Variants in FSD2 observed in about 807,000 individuals in gnomAD.
FSD2 encodes the protein fibronectin type III and SPRY domain containing 2, also known as fibronectin type III and SPRY domain-containing protein 2.
A neutral mutation model predicts 80.4 loss-of-function variants in FSD2; 71 were observed. The observed-to-expected ratio is 0.88, with a 90% CI of 0.73 to 1.08. FSD2 has a LOEUF of 1.08. Among genes scored for constraint, FSD2 ranks in the 50% least tolerant of loss-of-function variants. The probability of loss-of-function intolerance (pLI) is 0.00; values close to 1 mark genes in which losing one functional copy is unlikely to be tolerated. For synonymous variants in FSD2, 361 were observed against 329.5 expected (o/e 1.10, Z -1.03); for missense variants, 923 against 913.8 (o/e 1.01, Z -0.13).
At chr15:82,768,444 CTAGCACTGTATATTTTACACATTGG>C (rs1315106781) in intron 9 of FSD2, among the ~76,000 whole-genome samples, 1 of 152,200 alleles carries the variant, frequency 6.6e-6, no homozygotes, top group Non-Finnish European at 1.5e-5. Context: ...TTTTTCCTTC[CTAGCACTGTATATTTTACACATTGG>C]TTTGTTTTCT....
chr15:82,778,158 A>ATAT lies in FSD2; in HGVS notation c.1111+607_1111+608insATA, dbSNP rs1482215584. Among the ~76,000 whole-genome samples, 161 of 128,920 alleles carry ATAT rather than the reference A, an allele frequency of 1.2e-3. 4 individuals carry two copies. The highest frequency in any genetic ancestry group is 4.4e-3 in the African/African-American group (132 of 30,272). 84.6% of individuals were successfully genotyped at this position (128,920 alleles called of 152,430 possible). A position where few individuals can be genotyped will look rare whatever the true frequency, so the allele number is the denominator to read the frequency against. On this transcript the variant is annotated intron_variant, in intron 6 of 12. Transcript: ENST00000334574. Reference sequence around the variant, plus strand: ...TATATATATATATATATATATATATAATAACTATTACATGATCTAGTAATT... The same window carrying ATAT: ...TATATATATATATATATATATATATATATATAACTATTACATGATCTAGTAATT...
At position 82,762,258 on chromosome 15, in the gene FSD2, T is replaced by A. The variant is rs776599521; in HGVS notation, c.1841A>T (p.Asn614Ile). The change falls in exon 12 of 13, where the codon AAT becomes ATT. Residue 614 changes from asparagine (N) to isoleucine (I), a missense_variant. Coordinates refer to ENST00000334574, the MANE Select transcript of FSD2 (RefSeq NM_001007122.4). ...ATGGTGCCCTCGGACTGGAATTAGA[T>A]TTCCCATGACAGCAACACACCTGGT... ...HFTRCVAVMG[N>I]LIPVRGHHYW... is the part of the protein sequence containing the mutation. 6.2e-7 allele frequency: 1 copy of A among 1,613,838 alleles called. No homozygotes were observed. The highest frequency in any genetic ancestry group is 8.5e-7 in the Non-Finnish European group (1 of 1,179,832).
At chr15:82,803,575 T>A (rs908210034) in intron 1 of FSD2, among the ~76,000 whole-genome samples, 1 of 152,052 alleles carries the variant, frequency 6.6e-6, no homozygotes, top group African/African-American at 2.4e-5. Flanking sequence ...CTTCCCTATC[T>A]CACCACTGCT....
chr15:82,803,546 C>G (rs1486228777), intron 1 of FSD2, among the ~76,000 whole-genome samples: 1 of 152,072 alleles, frequency 6.6e-6, no homozygotes. Context: ...GACTGTCCTG[C>G]CTGCTGAGAG....
At chr15:82,802,893 C>T (rs1008056580) in intron 1 of FSD2, among the ~76,000 whole-genome samples, 1 of 152,082 alleles carries the variant, frequency 6.6e-6, no homozygotes, top group Admixed American at 6.5e-5. Context: ...CTTCTGTGAC[C>T]CTGGCTAACC....
chr15:82,782,816 C>G lies in FSD2; in HGVS notation c.945G>C (p.Glu315Asp). 6.2e-7 allele frequency: 1 copy of G among 1,611,330 alleles called. No individual in the cohort carries two copies. The highest frequency in any genetic ancestry group is 8.5e-7 in the Non-Finnish European group (1 of 1,179,000). The change falls in exon 4 of 13, where the codon GAG (glutamate) becomes GAC (aspartate). Residue 315 changes from glutamate to aspartate, a missense_variant. Coordinates refer to ENST00000334574, the MANE Select transcript of FSD2 (RefSeq NM_001007122.4). ...TGACCTTTATGAAATCCACCTTCTC[C>G]TCGTGACACATCTCCTCTATTGTTT... Reference protein sequence around the residue: ...LMETIEEMCHEEKVDFIKDAV... With the variant: ...LMETIEEMCHDEKVDFIKDAV...
chr15:82,770,848 T>TAA (rs2049551040), intron 7 of FSD2, among the ~76,000 whole-genome samples: 1 of 152,072 alleles, frequency 6.6e-6, no homozygotes, highest in South Asian at 2.1e-4. Flanking sequence ...TCCTTTATAG[T>TAA]AAAAATGGTC....
chr15:82,797,288 A>C (rs1008276700), intron 1 of FSD2, among the ~76,000 whole-genome samples: 8 of 152,246 alleles, frequency 5.3e-5, no homozygotes, highest in Non-Finnish European at 1.0e-4. Flanking sequence ...CAAAAATGTG[A>C]GTGACATTGC....
chr15:82,796,978 C>A (rs2050287022), intron 1 of FSD2, among the ~76,000 whole-genome samples: 1 of 149,570 alleles, frequency 6.7e-6, no homozygotes. Flanking sequence ...CTCACTTATC[C>A]TGAATATTTC....
chr15:82,761,679 TTTA>T (rs1024594083), intron 12 of FSD2, among the ~76,000 whole-genome samples: 1 of 150,540 alleles, frequency 6.6e-6, no homozygotes, highest in African/African-American at 2.4e-5. Flanking sequence ...ATTTTTTTAT[TTTA>T]TTATTTTTTT....
chr15:82,772,048 G>A (rs764304063), intron 7 of FSD2, 25 bp downstream of exon 7: 20 of 1,526,514 alleles, frequency 1.3e-5, no homozygotes, highest in East Asian at 6.8e-5. Context: ...CCATGAGCAC[G>A]GGCATGTTCC....
At chr15:82,764,937 C>T (rs546604608) in intron 11 of FSD2, among the ~76,000 whole-genome samples, 7 of 152,136 alleles carry the variant, frequency 4.6e-5, no homozygotes, top group Non-Finnish European at 7.4e-5. Context: ...CAGGGGACCG[C>T]GCCCTCTCCT....
intron 7 of FSD2, among the ~76,000 whole-genome samples, chr15:82,770,268 G>A (rs1465124689): frequency 6.6e-6 from 1 of 152,206 alleles, no homozygotes; most frequent in Non-Finnish European, 1.5e-5. Context: ...AGCTGCCCAA[G>A]TCCTCCCGGC....
At chr15:82,780,017 C>T (rs1382522407) in intron 5 of FSD2, among the ~76,000 whole-genome samples, 2 of 152,040 alleles carry the variant, frequency 1.3e-5, no homozygotes, top group Non-Finnish European at 2.9e-5. Flanking sequence ...CACAGGCTTG[C>T]TGACTGAGCC....
intron 6 of FSD2, among the ~76,000 whole-genome samples, chr15:82,773,185 A>C (rs1012749976): frequency 6.6e-6 from 1 of 152,170 alleles, no homozygotes; most frequent in Non-Finnish European, 1.5e-5. Flanking sequence ...CAGCATCTCC[A>C]TCCCAGACTT....
In FSD2 at chr15:82,758,469, ATTG is replaced by A. The variant is rs1420841060; in HGVS notation, c.*876_*878del. On this transcript the variant is annotated 3_prime_UTR_variant, in exon 13 of 13. Coordinates refer to ENST00000334574, the MANE Select transcript of FSD2 (RefSeq NM_001007122.4). ...GTGGGCTGTTAATTTCTTTTAAAAA[ATTG>A]TTGTGCATTTGCTAATATGCCACAG... The A allele has an allele frequency of 1.3e-5, 2 of 153,168 alleles. No homozygotes were observed. Among genetic ancestry groups the A allele is most frequent in the Non-Finnish European group, 2.9e-5 (2 of 68,048 alleles). The allele number at this position is 153,168 out of a possible 1,614,324, so 9.5% of individuals were successfully genotyped here. A position where few individuals can be genotyped will look rare whatever the true frequency, so the allele number is the denominator to read the frequency against.
At chr15:82,765,049 A>G in intron 11 of FSD2, 117 bp downstream of exon 11, 1 of 1,256,184 alleles carries the variant, frequency 8.0e-7, no homozygotes, top group South Asian at 1.7e-5. Context: ...CTCCTCACTC[A>G]TTTGTAGGAT....
chr15:82,793,317 T>G (rs2151531884), intron 1 of FSD2, among the ~76,000 whole-genome samples: 1 of 152,064 alleles, frequency 6.6e-6, no homozygotes. Flanking sequence ...GCCAGGCTGG[T>G]TTTTTGTGTT....
Position 82,762,103 on chromosome 15 carries a change from T to G in FSD2, c.1996A>C (p.Arg666=), listed in dbSNP as rs747607862. Residue 666 remains arginine (R), a splice_region_variant and synonymous_variant, in exon 12 of 13, where the codon AGG becomes CGG. Transcript: ENST00000334574. ...GTGAGTATCCAGATTTTACTTTACCTTGATGATGCAAATGTGTGCCTCATG... is the reference window on the plus strand; with the variant it reads ...GTGAGTATCCAGATTTTACTTTACCGTGATGATGCAAATGTGTGCCTCATG... The part of the protein sequence containing the change: ...WCMRHTFASS[R]HKYEFLHNRT... The G allele has an allele frequency of 1.3e-6, 2 of 1,587,232 alleles. No individual in the cohort carries two copies. The highest frequency in any genetic ancestry group is 1.7e-6 in the Non-Finnish European group (2 of 1,167,168).
Sources: gnomAD v4.1 joint callset for allele counts (sites outside exome capture counted in the v4.1 genomes callset) on GRCh38, gnomAD v4.1.1 for gene constraint, MANE v1.5 for transcripts, NCBI Gene and HGNC (gene_info 2026-07-23, HGNC 2026-07-21) for gene names.